The following ERBIN variants were observed in gnomAD, a reference collection of about 807,000 sequenced individuals.
The protein encoded by ERBIN is erbb2 interacting protein.
A neutral mutation model predicts 158.4 loss-of-function variants in ERBIN; 60 were observed. The observed-to-expected ratio is 0.38, with a 90% CI of 0.31 to 0.47. The LOEUF (loss-of-function observed/expected upper bound fraction) is 0.47. Among genes scored for constraint, ERBIN ranks in the 20% least tolerant of loss-of-function variants. The probability of loss-of-function intolerance (pLI) is 0.99; values close to 1 mark genes in which losing one functional copy is unlikely to be tolerated. For synonymous variants in ERBIN, 594 were observed against 557.2 expected (o/e 1.07, Z -0.93); for missense variants, 1,610 against 1,648.0 (o/e 0.98, Z 0.40).
rs1284102597 is a variant in ERBIN at position 66,080,779 on chromosome 5, T to C, written c.*2249T>C. On this transcript the variant is annotated 3_prime_UTR_variant, in exon 26 of 26. Transcript: ENST00000284037. Reference sequence around the variant, plus strand: ...TTAACTTCATTGTCTGCACATTACATTGAAGTATTATAAATGCAACAGATG... The same window carrying C: ...TTAACTTCATTGTCTGCACATTACACTGAAGTATTATAAATGCAACAGATG... 3 of 152,204 alleles carry C rather than the reference T, an allele frequency of 2.0e-5. No homozygotes were observed. The South Asian group carries it at 6.2e-4, about 32-fold the overall frequency. The allele number at this position is 152,204 out of a possible 1,614,324, so 9.4% of individuals were successfully genotyped here.
At chr5:65,931,039 G>T (rs1014227042) in intron 1 of ERBIN, among the ~76,000 whole-genome samples, 3 of 142,404 alleles carry the variant, frequency 2.1e-5, no homozygotes. Flanking sequence ...CTTTGTGGAA[G>T]ACGATAGAAA....
intron 21 of ERBIN, chr5:66,069,024 A>G (rs1761287340): frequency 6.5e-7 from 1 of 1,532,500 alleles, no homozygotes; most frequent in African/African-American, 1.4e-5. Flanking sequence ...TTTTCGAGTG[A>G]GTACCTACAC....
In ERBIN at chr5:66,050,226, C is replaced by CTATTTTTTTT. The variant is rs1758879604; in HGVS notation, c.1904-556_1904-555insATTTTTTTTT. On this transcript the variant is annotated intron_variant, in intron 19 of 25. Transcript: ENST00000284037. Reference sequence around the variant, plus strand: ...ACCTTGTCAGTAACTAAATCGAATTCTTTTTTTTTTTTTTTTTTTTTTTTT... The same window carrying CTATTTTTTTT: ...ACCTTGTCAGTAACTAAATCGAATTCTATTTTTTTTTTTTTTTTTTTTTTTTTTTTTTTTT... Among the ~76,000 whole-genome samples the CTATTTTTTTT allele has an allele frequency of 2.1e-4, 2 of 9,738 alleles. 1 individual carries two copies. The highest frequency in any genetic ancestry group is 1.1e-3 in the African/African-American group (2 of 1,874). 6.4% of individuals were successfully genotyped at this position (9,738 alleles called of 152,430 possible).
chr5:66,059,061 C>T, intron 21 of ERBIN, among the ~76,000 whole-genome samples: 1 of 151,970 alleles, frequency 6.6e-6, no homozygotes, highest in Non-Finnish European at 1.5e-5. Flanking sequence ...TAGTTTTTTC[C>T]AATTCTGTGA....
intron 1 of ERBIN, among the ~76,000 whole-genome samples, chr5:65,976,152 T>C (rs2150999071): frequency 6.6e-6 from 1 of 152,206 alleles, no homozygotes; most frequent in South Asian, 2.1e-4. Context: ...GATCGTATCT[T>C]ATGGGGAAGA....
At chr5:65,985,427 A>G (rs1441708279) in intron 1 of ERBIN, among the ~76,000 whole-genome samples, 1 of 152,212 alleles carries the variant, frequency 6.6e-6, no homozygotes, top group Non-Finnish European at 1.5e-5. Context: ...TGAATTTTAT[A>G]CTGTACCTTT....
Position 65,969,871 on chromosome 5 carries a change from G to T in ERBIN, c.-57-18764G>T, listed in dbSNP as rs181349013. The stretch of plus-strand genomic sequence containing the variant: ...GCTTTTCAGTTCTGTTTGTTCCAAG[G>T]TGGTCATATATTGTTATTTTTCAAT... On this transcript the variant is annotated intron_variant, in intron 1 of 25. Coordinates refer to ENST00000284037, the MANE Select transcript of ERBIN (RefSeq NM_001253697.2). 7.9e-5 allele frequency among the ~76,000 whole-genome samples: 12 copies of T among 152,198 alleles called. 1 individual carries two copies. Among genetic ancestry groups the T allele is most frequent in the African/African-American group, 2.6e-4 (11 of 41,526 alleles).
chr5:66,080,588 C>T lies in ERBIN; in HGVS notation c.*2058C>T, dbSNP rs1400812328. 6.6e-6 allele frequency: 1 copy of T among 151,608 alleles called. No individual in the cohort carries two copies. Among genetic ancestry groups the T allele is most frequent in the African/African-American group, 2.4e-5 (1 of 41,318 alleles). 9.4% of individuals were successfully genotyped at this position (151,608 alleles called of 1,614,324 possible). ...TGGCATTCTAAAATAGCTAACATTTCTTTTATTGATTTCAGATTTTCACAG... is the reference window on the plus strand; with the variant it reads ...TGGCATTCTAAAATAGCTAACATTTTTTTTATTGATTTCAGATTTTCACAG... On this transcript the variant is annotated 3_prime_UTR_variant, in exon 26 of 26. Transcript: ENST00000284037.
intron 1 of ERBIN, among the ~76,000 whole-genome samples, chr5:65,970,800 G>A (rs909996938): frequency 6.6e-6 from 1 of 151,950 alleles, no homozygotes; most frequent in Non-Finnish European, 1.5e-5. Flanking sequence ...TTGTTGTGTT[G>A]CCCAGGCTGG....
chr5:66,030,440 G>C (rs998635956), intron 14 of ERBIN, among the ~76,000 whole-genome samples: 2 of 151,968 alleles, frequency 1.3e-5, no homozygotes, highest in Admixed American at 1.3e-4. Flanking sequence ...TTGAAATTTT[G>C]CGACTAGATT....
intron 21 of ERBIN, chr5:66,068,860 A>G (rs1028102271): frequency 1.1e-5 from 17 of 1,509,534 alleles, no homozygotes; most frequent in East Asian, 2.5e-5. Flanking sequence ...TGTTAAATCT[A>G]TCCCCTCTTT....
chr5:66,033,950 A>G (rs144218455), intron 14 of ERBIN, among the ~76,000 whole-genome samples: 227 of 152,162 alleles, frequency 1.5e-3, no homozygotes, highest in Admixed American at 3.4e-3. Context: ...CTCTACTGAA[A>G]ATACAAAAAT....
At chr5:65,979,048 A>G (rs1016237297) in intron 1 of ERBIN, among the ~76,000 whole-genome samples, 4 of 152,194 alleles carry the variant, frequency 2.6e-5, no homozygotes, top group Non-Finnish European at 4.4e-5. Flanking sequence ...TGCCAGCTCA[A>G]ATGGACTCTA....
chr5:65,941,668 A>T lies in ERBIN; in HGVS notation c.-58+14862A>T, dbSNP rs1409668489. Reference sequence around the variant, plus strand: ...ATGTAAATGTGTGACAAGGAAAAGGATCTTTGTCACTACTTATACCCTAAG... The same window carrying T: ...ATGTAAATGTGTGACAAGGAAAAGGTTCTTTGTCACTACTTATACCCTAAG... On this transcript the variant is annotated intron_variant, in intron 1 of 25. Coordinates refer to ENST00000284037, the MANE Select transcript of ERBIN (RefSeq NM_001253697.2). 3.3e-5 allele frequency among the ~76,000 whole-genome samples: 5 copies of T among 152,134 alleles called. No individual in the cohort carries two copies. In the East Asian group the frequency reaches 7.7e-4, roughly 23 times the overall value.
In ERBIN at chr5:66,025,671, G is replaced by C. The variant is rs1206132229; in HGVS notation, c.890+119G>C. The stretch of plus-strand genomic sequence containing the variant: ...GATTTTGTAAACATTTAAGTAATTA[G>C]TATACAGGTTGAGTGTGTTTATGAT... On this transcript the variant is annotated intron_variant, in intron 11 of 25. Transcript: ENST00000284037. 5.5e-6 allele frequency: 5 copies of C among 913,482 alleles called. No individual in the cohort carries two copies. The African/African-American group carries it at 6.7e-5, about 12-fold the overall frequency. 56.6% of individuals were successfully genotyped at this position (913,482 alleles called of 1,614,324 possible).
intron 21 of ERBIN, among the ~76,000 whole-genome samples, chr5:66,062,773 C>G (rs764804968): frequency 6.6e-6 from 1 of 152,214 alleles, no homozygotes; most frequent in Non-Finnish European, 1.5e-5. Context: ...CAACCCTCAG[C>G]TGCAGGTCTG....
chr5:66,028,085 C>G (rs1756467461), intron 13 of ERBIN, among the ~76,000 whole-genome samples, 189 bp from the exon 14 acceptor site: 1 of 152,002 alleles, frequency 6.6e-6, no homozygotes, highest in South Asian at 2.1e-4. Context: ...GAAACTAATT[C>G]TTATAAAACT....
Position 65,965,379 on chromosome 5 carries a change from GTTGTTTTTTTTTTTTTTTTT to G in ERBIN, c.-57-23253_-57-23234del, listed in dbSNP as rs1561304833. Among the ~76,000 whole-genome samples the G allele has an allele frequency of 7.3e-4, 76 of 103,664 alleles. 3 individuals are homozygous for G. The highest frequency in any genetic ancestry group is 2.7e-3 in the African/African-American group (73 of 26,938). 68.0% of individuals were successfully genotyped at this position (103,664 alleles called of 152,430 possible). On this transcript the variant is annotated intron_variant, in intron 1 of 25. Coordinates refer to ENST00000284037, the MANE Select transcript of ERBIN (RefSeq NM_001253697.2). The stretch of plus-strand genomic sequence containing the variant: ...GCTGTTCTTACCAGATTTGTTTTTT[GTTGTTTTTTTTTTTTTTTTT>G]TTTTTTTTTTTTTTTTTTTTTTTTG...
At chr5:66,016,770 C>T (rs1378734620) in intron 7 of ERBIN, among the ~76,000 whole-genome samples, 3 of 152,036 alleles carry the variant, frequency 2.0e-5, no homozygotes, top group Non-Finnish European at 2.9e-5. Flanking sequence ...TGTACCACCA[C>T]GTCTGGCTAA....
Sources: gnomAD v4.1 joint callset for allele counts (sites outside exome capture counted in the v4.1 genomes callset) on GRCh38, gnomAD v4.1.1 for gene constraint, MANE v1.5 for transcripts, NCBI Gene and HGNC (gene_info 2026-07-23, HGNC 2026-07-21) for gene names.